The following IFT80 variants were observed in gnomAD, a reference collection of about 807,000 sequenced individuals.
IFT80 encodes intraflagellar transport 80, also known as intraflagellar transport protein 80 homolog.
IFT80 carries 79 observed loss-of-function variants against 107.9 expected under a neutral mutation model. The observed-to-expected ratio is 0.73, with a 90% CI of 0.61 to 0.88. The LOEUF is 0.88. Ranked by LOEUF, IFT80 falls within the 40% of genes least tolerant of loss-of-function variation. The pLI is 0.00. For missense variants in IFT80, 797 were observed against 914.2 expected, an observed-to-expected ratio of 0.87 and a Z score of 1.65; for synonymous variants, 299 against 300.9, an observed-to-expected ratio of 0.99 and a Z score of 0.07.
At chr3:160,330,194 AACC>A (rs1559943340) in intron 8 of IFT80, among the ~76,000 whole-genome samples, 1 of 152,210 alleles carries the variant, frequency 6.6e-6, no homozygotes, top group Non-Finnish European at 1.5e-5. Flanking sequence ...ACAAAAGAAC[AACC>A]AAAACCCTGG....
At chr3:160,383,714 T>C (rs935868415) in intron 2 of IFT80, 10 of 985,220 alleles carry the variant, frequency 1.0e-5, no homozygotes, top group African/African-American at 7.0e-5. Flanking sequence ...AGAATGATGA[T>C]AGTGGGGCCT....
chr3:160,307,104 A>G (rs1189747732), intron 10 of IFT80, among the ~76,000 whole-genome samples: 1 of 152,142 alleles, frequency 6.6e-6, no homozygotes, highest in Non-Finnish European at 1.5e-5. Flanking sequence ...AGCCTGTACT[A>G]GTTATTAAAT....
intron 8 of IFT80, among the ~76,000 whole-genome samples, chr3:160,323,757 A>G (rs1471824581): frequency 6.6e-6 from 1 of 152,144 alleles, no homozygotes; most frequent in Non-Finnish European, 1.5e-5. Flanking sequence ...AGCTAGCAGA[A>G]GGCAAGAAAT....
chr3:160,380,470 T>C (rs1397581592), intron 3 of IFT80, among the ~76,000 whole-genome samples: 1 of 152,300 alleles, frequency 6.6e-6, no homozygotes, highest in East Asian at 1.9e-4. Flanking sequence ...ATGTTCACCA[T>C]GTGCAGAGAG....
In IFT80 at chr3:160,257,360, G is replaced by A. The variant is rs1290048552; in HGVS notation, c.*1165C>T. On this transcript the variant is annotated 3_prime_UTR_variant, in exon 20 of 20. Transcript: ENST00000326448. The stretch of plus-strand genomic sequence containing the variant: ...TATGCATCTATACCCACCCTATAAT[G>A]TACCATTTTCAGAAATGGGTTTGCA... 6.6e-6 allele frequency: 1 copy of A among 151,772 alleles called. No homozygotes were observed. Among genetic ancestry groups the A allele is most frequent in the Non-Finnish European group, 1.5e-5 (1 of 67,994 alleles). 9.4% of individuals were successfully genotyped at this position (151,772 alleles called of 1,614,324 possible).
In IFT80 at chr3:160,322,748, T is replaced by G. The variant is rs1576807876; in HGVS notation, c.778-2809A>C. On this transcript the variant is annotated intron_variant, in intron 8 of 19. Coordinates refer to ENST00000326448, the MANE Select transcript of IFT80 (RefSeq NM_020800.3). ...CCATTCTAACTGGTGTGAGATGGTA[T>G]CTCATTGTGCTTTTGATTTGCATTT... is the stretch of plus-strand genomic sequence containing the variant. Among the ~76,000 whole-genome samples, 10 of 152,286 alleles carry G rather than the reference T, an allele frequency of 6.6e-5. 1 individual carries two copies. In the South Asian group the frequency reaches 2.1e-3, roughly 32 times the overall value.
At chr3:160,262,677 G>A (rs1186762596) in intron 19 of IFT80, among the ~76,000 whole-genome samples, 2 of 152,138 alleles carry the variant, frequency 1.3e-5, no homozygotes, top group African/African-American at 4.8e-5. Flanking sequence ...GAGCTGACAA[G>A]AGTTGTCTCT....
Position 160,300,940 on chromosome 3 carries a change from G to A in IFT80, c.1258C>T (p.Gln420Ter). The A allele has an allele frequency of 5.6e-6, 9 of 1,611,216 alleles. No individual in the cohort carries two copies. Among genetic ancestry groups the A allele is most frequent in the Non-Finnish European group, 7.6e-6 (9 of 1,178,514 alleles). ...GTATCATTACTCAAAGACACAGTCT[G>A]TGCATTCAGAATATCTGTTCTCATT... Reference protein sequence around the residue: ...PGMRTDILNAQTVSLSNDTIA... With the variant: ...PGMRTDILNA Residue 420 changes from glutamine to a stop codon, truncating the protein, a stop_gained, in exon 12 of 20, where the codon CAG becomes TAG. Transcript: ENST00000326448. LOFTEE classifies it high-confidence loss of function.
intron 13 of IFT80, among the ~76,000 whole-genome samples, chr3:160,284,950 A>C (rs1714976910): frequency 6.6e-6 from 1 of 152,204 alleles, no homozygotes; most frequent in Non-Finnish European, 1.5e-5. Flanking sequence ...GAGAGGCACT[A>C]CAGTGATGAA....
intron 10 of IFT80, among the ~76,000 whole-genome samples, chr3:160,305,001 T>C (rs945375676): frequency 6.6e-6 from 1 of 152,220 alleles, no homozygotes; most frequent in African/African-American, 2.4e-5. Context: ...AACATGCTTA[T>C]TGAATAAATG....
chr3:160,313,659 G>C (rs1475693883), intron 9 of IFT80, among the ~76,000 whole-genome samples: 1 of 150,820 alleles, frequency 6.6e-6, no homozygotes, highest in African/African-American at 2.4e-5. Flanking sequence ...ACCCAGGCTG[G>C]AGTGCAGTGG....
intron 8 of IFT80, among the ~76,000 whole-genome samples, chr3:160,347,398 A>G (rs1720367453): frequency 6.6e-6 from 1 of 152,114 alleles, no homozygotes; most frequent in Admixed American, 6.5e-5. Flanking sequence ...CAGTGGAGGA[A>G]CCAATTTCTA....
chr3:160,273,358 G>A (rs879888370), intron 18 of IFT80, among the ~76,000 whole-genome samples: 1 of 152,044 alleles, frequency 6.6e-6, no homozygotes, highest in Non-Finnish European at 1.5e-5. Flanking sequence ...AGATCACTAT[G>A]ACTGCAGAGT....
chr3:160,360,593 C>T (rs189408502), intron 6 of IFT80, among the ~76,000 whole-genome samples: 3 of 152,120 alleles, frequency 2.0e-5, no homozygotes, highest in East Asian at 3.9e-4. Context: ...AAAATGTTAA[C>T]GGCAGCCAGA....
rs192601401 is a variant in IFT80 at position 160,340,338 on chromosome 3, A to G, written c.777+15675T>C. 2.3e-3 allele frequency among the ~76,000 whole-genome samples: 354 copies of G among 152,294 alleles called. 2 individuals carry two copies. Among genetic ancestry groups the G allele is most frequent in the Admixed American group, 9.8e-3 (150 of 15,294 alleles). On this transcript the variant is annotated intron_variant, in intron 8 of 19. Transcript: ENST00000326448. Reference sequence around the variant, plus strand: ...GCAGGTATATCTGCAGTGTTCTATTAGTGCTGTAACAAATTACCACAAATT... The same window carrying G: ...GCAGGTATATCTGCAGTGTTCTATTGGTGCTGTAACAAATTACCACAAATT...
At chr3:160,333,368 T>G (rs1347385155) in intron 8 of IFT80, among the ~76,000 whole-genome samples, 8 of 152,182 alleles carry the variant, frequency 5.3e-5, no homozygotes, top group African/African-American at 1.9e-4. Context: ...CAATAACAAA[T>G]TAACTTCAGC....
At chr3:160,312,868 A>C (rs1279013454) in intron 9 of IFT80, among the ~76,000 whole-genome samples, 2 of 36,942 alleles carry the variant, frequency 5.4e-5, no homozygotes, top group Non-Finnish European at 9.5e-5. Flanking sequence ...TATATAATAT[A>C]TAATAAATAT....
intron 9 of IFT80, among the ~76,000 whole-genome samples, chr3:160,315,576 C>G (rs1412416783): frequency 6.6e-6 from 1 of 152,092 alleles, no homozygotes; most frequent in Admixed American, 6.6e-5. Flanking sequence ...AGTTTGGGGT[C>G]TCAAGATTTT....
At chr3:160,290,032 T>G (rs964115526) in intron 12 of IFT80, among the ~76,000 whole-genome samples, 5 of 152,158 alleles carry the variant, frequency 3.3e-5, no homozygotes, top group Admixed American at 6.5e-5. Flanking sequence ...GAACAGACTT[T>G]ATGTGAACAG....
Sources: allele counts gnomAD v4.1 joint callset (sites outside exome capture counted in the v4.1 genomes callset), GRCh38; gene constraint gnomAD v4.1.1; transcripts MANE v1.5; gene names NCBI Gene and HGNC (gene_info 2026-07-23, HGNC 2026-07-21).